The following BCAN variants were observed in gnomAD, a reference collection of about 807,000 sequenced individuals.
The protein encoded by BCAN is brevican core protein.
A neutral mutation model predicts 92.4 loss-of-function variants in BCAN; 51 were observed. The observed-to-expected ratio is 0.55, with a 90% CI of 0.44 to 0.70. The LOEUF is 0.70. Among genes scored for constraint, BCAN ranks in the 30% least tolerant of loss-of-function variants. The pLI, the probability that BCAN is intolerant of heterozygous loss-of-function variation, is 0.00. For missense variants in BCAN, 1,140 were observed against 1,212.1 expected, an observed-to-expected ratio of 0.94 and a Z score of 0.88; for synonymous variants, 501 against 505.2, an observed-to-expected ratio of 0.99 and a Z score of 0.11.
In BCAN at chr1:156,647,292, G is replaced by A; in HGVS notation, c.466+117G>A. ...AAGGTAGCTGGAAGGCGCAGCCTGG[G>A]TTGGAAAAAGAGTGAGGAGACACGG... On this transcript the variant is annotated intron_variant, in intron 3 of 13. Transcript: ENST00000329117. The surrounding 1 kb of genome is among the most constrained non-coding windows in gnomAD (Gnocchi z 4.8). 12 of 1,333,070 alleles carry A rather than the reference G, an allele frequency of 9.0e-6. No homozygotes were observed. In the South Asian group the frequency reaches 1.9e-4, roughly 21 times the overall value. The allele number at this position is 1,333,070 out of a possible 1,614,324, so 82.6% of individuals were successfully genotyped here. A position where few individuals can be genotyped will look rare whatever the true frequency, so the allele number is the denominator to read the frequency against.
At chr1:156,646,761 T>C (rs779282165) in intron 2 of BCAN, 40 bp from the exon 3 acceptor site, 1 of 1,505,758 alleles carries the variant, frequency 6.6e-7, no homozygotes, top group Non-Finnish European at 8.9e-7. Flanking sequence ...ACTCTGAGGG[T>C]CGACAGCGTT....
chr1:156,653,642 C>T (rs1489619142), intron 8 of BCAN, among the ~76,000 whole-genome samples: 1 of 152,070 alleles, frequency 6.6e-6, no homozygotes, highest in Non-Finnish European at 1.5e-5. Context: ...CTTGTCTGTC[C>T]TGGCAGTCTA....
Position 156,656,932 on chromosome 1 carries a change from C to T in BCAN, c.2051-6C>T. 2.5e-6 allele frequency: 4 copies of T among 1,612,746 alleles called. No individual in the cohort carries two copies. The South Asian group carries it at 4.4e-5, about 18-fold the overall frequency. On this transcript the variant is annotated splice_region_variant and splice_polypyrimidine_tract_variant and intron_variant, in intron 9 of 13. Coordinates refer to ENST00000329117, the MANE Select transcript of BCAN (RefSeq NM_021948.5). ...GCCCTAAGATGCCCGCCCTTATGTGCCGCAGGCCTCCGCTTCTGCAACCCC... is the reference window on the plus strand; with the variant it reads ...GCCCTAAGATGCCCGCCCTTATGTGTCGCAGGCCTCCGCTTCTGCAACCCC...
At chr1:156,656,768 T>A in intron 9 of BCAN, 170 bp from the exon 10 acceptor site, 10 of 918,248 alleles carry the variant, frequency 1.1e-5, no homozygotes, top group Non-Finnish European at 1.6e-5. Context: ...CAAGAGCCCC[T>A]CCAGGCTCCT....
In BCAN at chr1:156,646,964, C is replaced by T. The variant is rs371906373; in HGVS notation, c.255C>T (p.Gly85=). Residue 85 remains glycine (G), a synonymous_variant, in exon 3 of 14, where the codon GGC becomes GGT. Coordinates refer to ENST00000329117, the MANE Select transcript of BCAN (RefSeq NM_021948.5). ...TCAAGTGGACTTTCCTGTCCCGGGG[C>T]CGGGAGGCAGAGGTGCTGGTGGCGC... ...PRVKWTFLSR[G]REAEVLVARG... The T allele has an allele frequency of 6.2e-7, 1 of 1,612,898 alleles. No individual in the cohort carries two copies. The highest frequency in any genetic ancestry group is 1.1e-5 in the South Asian group (1 of 91,018).
intron 1 of BCAN, 51 bp from the exon 2 acceptor site, chr1:156,645,996 A>T (rs1211663972): frequency 8.0e-6 from 12 of 1,503,416 alleles, no homozygotes; most frequent in South Asian, 3.6e-5. Context: ...GCAGGGGGGA[A>T]GTCCATCCTG....
intron 1 of BCAN, chr1:156,643,004 T>C (rs1381636515): frequency 6.6e-6 from 1 of 152,188 alleles, no homozygotes; most frequent in African/African-American, 2.4e-5. Context: ...GCCTGGGAAT[T>C]CCCTCTCCCA....
At chr1:156,652,221 G>A (rs753139424) in intron 7 of BCAN, 27 bp from the exon 8 acceptor site, 13 of 1,564,192 alleles carry the variant, frequency 8.3e-6, no homozygotes, top group African/African-American at 1.4e-5. Context: ...GCTGTCCCTG[G>A]TGCTGAACCG....
rs1368568458 is a variant in BCAN at position 156,647,921 on chromosome 1, C to T, written c.642-62C>T. On this transcript the variant is annotated intron_variant, in intron 4 of 13. Coordinates refer to ENST00000329117, the MANE Select transcript of BCAN (RefSeq NM_021948.5). This position sits in a 1 kb window ranked among gnomAD's most constrained non-coding sequence, Gnocchi z 4.8. The stretch of plus-strand genomic sequence containing the variant: ...TGGTGGCAGTGGGGTTCAATAGAAT[C>T]AATATGGGCTGGCTCCCTGGTGAAA... 1 of 1,605,818 alleles carries T rather than the reference C, an allele frequency of 6.2e-7. No individual in the cohort carries two copies. The highest frequency in any genetic ancestry group is 8.5e-7 in the Non-Finnish European group (1 of 1,172,972).
chr1:156,643,754 G>C (rs1678873606), intron 1 of BCAN: 1 of 152,102 alleles, frequency 6.6e-6, no homozygotes, highest in Admixed American at 6.6e-5. Context: ...GTGACAAGAG[G>C]AAAGTTTCCT....
At position 156,657,116 on chromosome 1, in the gene BCAN, G is replaced by T. The variant is rs943077784; in HGVS notation, c.2209+20G>T. The T allele has an allele frequency of 1.6e-5, 26 of 1,604,966 alleles. No individual in the cohort carries two copies. The highest frequency in any genetic ancestry group is 2.0e-5 in the Non-Finnish European group (24 of 1,173,314). On this transcript the variant is annotated intron_variant, in intron 10 of 13. Transcript: ENST00000329117. ...TCAACAGTGGGCTGGGAGACAGGGC[G>T]GGAGGGGCCCCTGCCATATGCTCTC...
intron 8 of BCAN, chr1:156,653,162 G>A (rs1679233314): frequency 7.2e-7 from 1 of 1,392,530 alleles, no homozygotes; most frequent in East Asian, 2.7e-5. Context: ...CCCTCCACCT[G>A]TGGCTCACAT....
intron 6 of BCAN, 118 bp from the exon 7 acceptor site, chr1:156,651,338 A>C (rs1679155368): frequency 3.2e-6 from 3 of 947,652 alleles, no homozygotes; most frequent in Non-Finnish European, 4.8e-6. Flanking sequence ...CCTGGGCCCC[A>C]GTAGGTGCTC....
chr1:156,648,741 A>G lies in BCAN; in HGVS notation c.943A>G (p.Ile315Val), dbSNP rs1679065859. Residue 315 changes from isoleucine (I) to valine (V), a missense_variant, in exon 6 of 14, where the codon ATC becomes GTC. Ile to Val is a conservative substitution (Grantham distance 29). This residue lies in a region of BCAN where 825 missense variants were observed against 871.8 expected (regional missense o/e 0.95). Coordinates refer to ENST00000329117, the MANE Select transcript of BCAN (RefSeq NM_021948.5). ...AGCTGATGGCAGTGTGCGCTACCCC[A>G]TCGTCACACCCAGCCAGCGCTGTGG... is the stretch of plus-strand genomic sequence containing the variant. ...WLADGSVRYP[I>V]VTPSQRCGGG... is the part of the protein sequence containing the mutation. 1.2e-6 allele frequency: 2 copies of G among 1,612,860 alleles called. No individual in the cohort carries two copies. The highest frequency in any genetic ancestry group is 1.3e-5 in the African/African-American group (1 of 74,888).
At chr1:156,646,398 G>T (rs111898941) in intron 2 of BCAN, 7 of 510,096 alleles carry the variant, frequency 1.4e-5, no homozygotes, top group African/African-American at 1.3e-4. Flanking sequence ...GAAGCTAGGA[G>T]GTGGGAAAGG....
intron 1 of BCAN, among the ~76,000 whole-genome samples, chr1:156,645,593 G>C (rs1032548867): frequency 6.6e-6 from 1 of 152,146 alleles, no homozygotes; most frequent in Non-Finnish European, 1.5e-5. Context: ...CTCTGGGTTC[G>C]AGGAAGGAGT....
In BCAN at chr1:156,658,309, G is replaced by A. The variant is rs1404239508; in HGVS notation, c.2437+38G>A. The A allele has an allele frequency of 6.2e-7, 1 of 1,608,290 alleles. No homozygotes were observed. Among genetic ancestry groups the A allele is most frequent in the Non-Finnish European group, 8.5e-7 (1 of 1,176,834 alleles). On this transcript the variant is annotated intron_variant, in intron 12 of 13. Transcript: ENST00000329117. This position sits in a 1 kb window ranked among gnomAD's most constrained non-coding sequence, Gnocchi z 4.4. The stretch of plus-strand genomic sequence containing the variant: ...AAAGGAGGGTCCCAGCAAGGAAGTG[G>A]AGGGGTGGGCTAGGGGACCAGAGGG...
intron 8 of BCAN, among the ~76,000 whole-genome samples, chr1:156,655,452 T>G (rs1212390751): frequency 6.6e-6 from 1 of 151,516 alleles, no homozygotes; most frequent in African/African-American, 2.4e-5. Flanking sequence ...CAAAGTGGAG[T>G]TGGGAGAGGG....
In BCAN at chr1:156,658,806, C is replaced by A; in HGVS notation, c.2628+73C>A. On this transcript the variant is annotated intron_variant, in intron 13 of 13. Coordinates refer to ENST00000329117, the MANE Select transcript of BCAN (RefSeq NM_021948.5). This position sits in a 1 kb window ranked among gnomAD's most constrained non-coding sequence, Gnocchi z 4.4. Reference sequence around the variant, plus strand: ...GTAGCCTTGGACTCCACTTAAAGTCCTGCCTGTCACTGGCCATGTGACCTT... The same window carrying A: ...GTAGCCTTGGACTCCACTTAAAGTCATGCCTGTCACTGGCCATGTGACCTT... The A allele has an allele frequency of 6.3e-7, 1 of 1,580,352 alleles. No individual in the cohort carries two copies. The highest frequency in any genetic ancestry group is 8.7e-7 in the Non-Finnish European group (1 of 1,156,048).
Sources: allele counts gnomAD v4.1 joint callset (sites outside exome capture counted in the v4.1 genomes callset), GRCh38; gene constraint gnomAD v4.1.1; regional missense constraint gnomAD v4.1.1; non-coding constraint Gnocchi (gnomAD v3.1); transcripts MANE v1.5; gene names NCBI Gene and HGNC (gene_info 2026-07-23, HGNC 2026-07-21).